Variants in NBEA observed in about 807,000 individuals in gnomAD.
NBEA encodes neurobeachin.
NBEA carries 44 observed loss-of-function variants against 343.4 expected under a neutral mutation model. That is an observed-to-expected ratio of 0.13 (90% CI 0.10 to 0.16). NBEA has a LOEUF of 0.16. Among genes scored for constraint, NBEA ranks in the 10% least tolerant of loss-of-function variants. The pLI, the probability that NBEA is intolerant of heterozygous loss-of-function variation, is 1.00. For synonymous variants in NBEA, 1,175 were observed against 1,238.7 expected (o/e 0.95, Z 1.08); for missense variants, 2,555 against 3,631.3 (o/e 0.70, Z 7.62).
chr13:35,545,877 A>G (rs1390868448), intron 41 of NBEA, among the ~76,000 whole-genome samples: 1 of 152,350 alleles, frequency 6.6e-6, no homozygotes, highest in African/African-American at 2.4e-5. Context: ...TAAAGTCAGC[A>G]GGGTTGTTTG....
At chr13:35,265,263 T>C (rs148605330) in intron 34 of NBEA, among the ~76,000 whole-genome samples, 27 of 151,920 alleles carry the variant, frequency 1.8e-4, no homozygotes, top group Admixed American at 5.9e-4. Flanking sequence ...ATATGGATCA[T>C]GGGCTGAAAA....
chr13:34,995,367 G>A (rs1289673234), intron 1 of NBEA, among the ~76,000 whole-genome samples: 2 of 151,504 alleles, frequency 1.3e-5, no homozygotes, highest in Non-Finnish European at 2.9e-5. Context: ...TGAGGCAGGA[G>A]CTGAGATTGT....
chr13:34,988,289 C>T (rs945598431), intron 1 of NBEA, among the ~76,000 whole-genome samples: 1 of 151,004 alleles, frequency 6.6e-6, no homozygotes, highest in African/African-American at 2.4e-5. Flanking sequence ...GTTCTCTGAG[C>T]TCAAACACCA....
chr13:34,992,273 TAGAC>T (rs2060789581), intron 1 of NBEA, among the ~76,000 whole-genome samples: 1 of 146,508 alleles, frequency 6.8e-6, no homozygotes, highest in African/African-American at 2.5e-5. Flanking sequence ...TTTTTTTTTT[TAGAC>T]AGAGTCTAGC....
At chr13:35,067,651 T>C (rs1341983426) in intron 8 of NBEA, among the ~76,000 whole-genome samples, 2 of 152,146 alleles carry the variant, frequency 1.3e-5, no homozygotes, top group Non-Finnish European at 2.9e-5. Context: ...ATAATAATTC[T>C]TCCTCTGAAA....
intron 41 of NBEA, among the ~76,000 whole-genome samples, chr13:35,497,142 A>G (rs1305534297): frequency 6.6e-6 from 1 of 152,068 alleles, no homozygotes; most frequent in Non-Finnish European, 1.5e-5. Flanking sequence ...GATCACCTCC[A>G]ATAGGTTATC....
chr13:35,051,485 A>G (rs551133614), intron 6 of NBEA, among the ~76,000 whole-genome samples: 114 of 152,104 alleles, frequency 7.5e-4, no homozygotes, highest in Non-Finnish European at 1.3e-3. Flanking sequence ...CATGATTCTA[A>G]TAAAAATATT....
intron 8 of NBEA, among the ~76,000 whole-genome samples, chr13:35,061,215 G>T (rs547781883): frequency 6.6e-6 from 1 of 151,640 alleles, no homozygotes; most frequent in Admixed American, 6.6e-5. Context: ...GGTTTTGAGC[G>T]TTGCAGTTTA....
At chr13:35,352,976 C>T (rs751788814) in intron 38 of NBEA, among the ~76,000 whole-genome samples, 13 of 152,068 alleles carry the variant, frequency 8.5e-5, no homozygotes, top group South Asian at 8.3e-4. Flanking sequence ...AGAAGTGAAA[C>T]AGGTCACTAT....
chr13:35,407,517 CAAAAA>C (rs11355447), intron 38 of NBEA, among the ~76,000 whole-genome samples: 1 of 135,182 alleles, frequency 7.4e-6, no homozygotes, highest in Non-Finnish European at 1.6e-5. Flanking sequence ...TGCATCATTT[CAAAAA>C]AAAAAAAAAA....
chr13:35,298,195 G>GTGTGTGTGTGTGTA (rs2036270135), intron 35 of NBEA, among the ~76,000 whole-genome samples: 6 of 14,694 alleles, frequency 4.1e-4, no homozygotes, highest in African/African-American at 6.5e-4. Flanking sequence ...GTATGTGTGT[G>GTGTGTGTGTGTGTA]TGTGTGTGTG....
intron 13 of NBEA, 61 bp from the exon 14 acceptor site, chr13:35,117,353 G>A (rs866201038): frequency 7.6e-6 from 6 of 792,482 alleles, no homozygotes; most frequent in Non-Finnish European, 8.7e-6. Context: ...CAAGATAATT[G>A]CATTTAGCTA....
intron 44 of NBEA, among the ~76,000 whole-genome samples, chr13:35,561,250 A>G (rs1332177995): frequency 6.6e-6 from 1 of 152,164 alleles, no homozygotes; most frequent in East Asian, 1.9e-4. Context: ...CTTAATATTT[A>G]TTTTTGTAAA....
At chr13:35,304,967 A>G (rs1766668880) in intron 35 of NBEA, among the ~76,000 whole-genome samples, 1 of 152,152 alleles carries the variant, frequency 6.6e-6, no homozygotes, top group Non-Finnish European at 1.5e-5. Flanking sequence ...TTTATTATAT[A>G]TAGCATGTCA....
chr13:35,112,711 A>G (rs2066277763), intron 13 of NBEA, among the ~76,000 whole-genome samples: 1 of 152,214 alleles, frequency 6.6e-6, no homozygotes, highest in Non-Finnish European at 1.5e-5. Context: ...AATATTTTAC[A>G]TCTTATCACT....
intron 41 of NBEA, chr13:35,475,203 C>T: frequency 1.4e-5 from 23 of 1,614,042 alleles, no homozygotes; most frequent in Non-Finnish European, 1.9e-5. Context: ...ACCGCCGGCA[C>T]TGCAGGCAGG....
At chr13:35,151,867 C>G (rs2068812155) in intron 18 of NBEA, among the ~76,000 whole-genome samples, 1 of 152,064 alleles carries the variant, frequency 6.6e-6, no homozygotes, top group Non-Finnish European at 1.5e-5. Flanking sequence ...TACTCCATCT[C>G]TAAATTATGA....
At chr13:35,126,042 TC>T (rs1399087295) in intron 17 of NBEA, among the ~76,000 whole-genome samples, 1 of 152,066 alleles carries the variant, frequency 6.6e-6, no homozygotes, top group Non-Finnish European at 1.5e-5. Flanking sequence ...TTTGGTTGTG[TC>T]CCCCCACCTA....
At chr13:34,961,937 T>G (rs576997779) in intron 1 of NBEA, among the ~76,000 whole-genome samples, 3 of 152,192 alleles carry the variant, frequency 2.0e-5, no homozygotes, top group Admixed American at 2.0e-4. Flanking sequence ...CACTTAATTT[T>G]GAGGGCTAGG....
Sources: gnomAD v4.1 joint callset for allele counts (sites outside exome capture counted in the v4.1 genomes callset) on GRCh38, gnomAD v4.1.1 for gene constraint, MANE v1.5 for transcripts, NCBI Gene and HGNC (gene_info 2026-07-23, HGNC 2026-07-21) for gene names.